LRRC59: variants seen among roughly 807,000 people sequenced by gnomAD.
LRRC59 encodes the protein leucine-rich repeat-containing protein 59.
LRRC59 carries 18 observed loss-of-function variants against 33.5 expected under a neutral mutation model. The ratio of observed to expected loss-of-function variants is 0.54; its 90% CI spans 0.37 to 0.80. The LOEUF is 0.80. Among genes scored for constraint, LRRC59 ranks in the 30% least tolerant of loss-of-function variants. LRRC59 has a pLI of 0.00. For missense variants in LRRC59, 330 were observed against 391.9 expected, an observed-to-expected ratio of 0.84 and a Z score of 1.33; for synonymous variants, 138 against 160.0, an observed-to-expected ratio of 0.86 and a Z score of 1.04.
At chr17:50,395,589 C>A (rs929761938) in intron 1 of LRRC59, among the ~76,000 whole-genome samples, 11 of 152,042 alleles carry the variant, frequency 7.2e-5, no homozygotes, top group Admixed American at 1.3e-4. Context: ...CATGACTGAT[C>A]GAGTAAGTAG....
intron 4 of LRRC59, among the ~76,000 whole-genome samples, chr17:50,389,540 A>G (rs892650943): frequency 6.6e-6 from 1 of 152,212 alleles, no homozygotes; most frequent in Non-Finnish European, 1.5e-5. Context: ...CTCTGGCATT[A>G]TATGTGCTCA....
chr17:50,387,943 C>G, intron 5 of LRRC59, 117 bp downstream of exon 5: 4 of 951,784 alleles, frequency 4.2e-6, no homozygotes, highest in Middle Eastern at 2.5e-4. Context: ...ACTGTCCCCC[C>G]ACCGCCCACT....
rs1305693487 is a variant in LRRC59 at position 50,381,804 on chromosome 17, A to G, written c.*1184T>C. ...CTTAATTTAGCAGACAAGAGAATGG[A>G]CAGTGTGATCCTTGTTTGTGCTAGC... On this transcript the variant is annotated 3_prime_UTR_variant, in exon 7 of 7. Transcript: ENST00000225972. 7 of 152,706 alleles carry G rather than the reference A, an allele frequency of 4.6e-5. 1 individual carries two copies. Among genetic ancestry groups the G allele is most frequent in the Middle Eastern group, 3.2e-3 (1 of 316 alleles). 9.5% of individuals were successfully genotyped at this position (152,706 alleles called of 1,614,324 possible). A position where few individuals can be genotyped will look rare whatever the true frequency, so the allele number is the denominator to read the frequency against.
At chr17:50,390,273 C>T (rs540508515) in intron 4 of LRRC59, among the ~76,000 whole-genome samples, 2 of 151,860 alleles carry the variant, frequency 1.3e-5, no homozygotes, top group East Asian at 3.9e-4. Context: ...GAGTGGATCA[C>T]CTGAGGTCAG....
Position 50,387,712 on chromosome 17 carries a change from T to G in LRRC59, c.502+348A>C, listed in dbSNP as rs991981510. On this transcript the variant is annotated intron_variant, in intron 5 of 6. Transcript: ENST00000225972. ...AGGAGTCATTAACATCTTTCCTATT[T>G]TAGGCTTGAATAACTATAGGGAAAG... Among the ~76,000 whole-genome samples, 15 of 152,248 alleles carry G rather than the reference T, an allele frequency of 9.9e-5. No individual in the cohort carries two copies. In the East Asian group the frequency reaches 2.9e-3, roughly 29 times the overall value.
intron 4 of LRRC59, 53 bp from the exon 5 acceptor site, chr17:50,388,185 G>T: frequency 6.5e-7 from 1 of 1,541,726 alleles, no homozygotes; most frequent in South Asian, 1.1e-5. Context: ...TTTGCTCAGG[G>T]AAGTCTCAAA....
intron 1 of LRRC59, among the ~76,000 whole-genome samples, chr17:50,395,377 G>C (rs111525876): frequency 6.7e-6 from 1 of 149,550 alleles, no homozygotes; most frequent in East Asian, 2.0e-4. Context: ...AAAAAGAAAG[G>C]AAGGCAGGCA....
rs1913880710 is a variant in LRRC59, at chr17:50,382,364, C to T, written c.*624G>A. 6.6e-6 allele frequency: 1 copy of T among 152,446 alleles called. No homozygotes were observed. Among genetic ancestry groups the T allele is most frequent in the Non-Finnish European group, 1.5e-5 (1 of 68,246 alleles). The allele number at this position is 152,446 out of a possible 1,614,324, so 9.4% of individuals were successfully genotyped here. A position where few individuals can be genotyped will look rare whatever the true frequency, so the allele number is the denominator to read the frequency against. Reference sequence around the variant, plus strand: ...GGAATCCAGTTTTGCCTCAAACTAGCTGGGAGACTAGGCAAGTCATGGAAG... The same window carrying T: ...GGAATCCAGTTTTGCCTCAAACTAGTTGGGAGACTAGGCAAGTCATGGAAG... On this transcript the variant is annotated 3_prime_UTR_variant, in exon 7 of 7. Coordinates refer to ENST00000225972, the MANE Select transcript of LRRC59 (RefSeq NM_018509.4).
chr17:50,391,988 C>T (rs923467017), intron 4 of LRRC59, among the ~76,000 whole-genome samples: 2 of 152,144 alleles, frequency 1.3e-5, no homozygotes, highest in Non-Finnish European at 2.9e-5. Context: ...CATTTGAGGT[C>T]GGGAGTTGGA....
chr17:50,389,793 C>A (rs1287159595), intron 4 of LRRC59, among the ~76,000 whole-genome samples: 2 of 152,126 alleles, frequency 1.3e-5, no homozygotes, highest in Non-Finnish European at 2.9e-5. Context: ...GCAAAAGGAT[C>A]TCCTTTCAAA....
intron 5 of LRRC59, among the ~76,000 whole-genome samples, chr17:50,385,901 G>A (rs72832489): frequency 0.021 from 3,137 of 152,052 alleles, 52 homozygotes; most frequent in Middle Eastern, 0.054. Flanking sequence ...ATAAAAAAAC[G>A]AAAAAATTAG....
At chr17:50,394,859 T>A in intron 2 of LRRC59, 70 bp downstream of exon 2, 6 of 749,752 alleles carry the variant, frequency 8.0e-6, no homozygotes, top group South Asian at 1.7e-5. Flanking sequence ...CACCCCCCTC[T>A]CAACCCCCGA....
chr17:50,388,532 C>G (rs1188180241), intron 4 of LRRC59, among the ~76,000 whole-genome samples: 2 of 151,654 alleles, frequency 1.3e-5, no homozygotes, highest in Non-Finnish European at 2.9e-5. Context: ...AGACTGAGAC[C>G]CTATCTCAAA....
At chr17:50,394,027 G>A (rs1173804844) in intron 2 of LRRC59, among the ~76,000 whole-genome samples, 1 of 152,178 alleles carries the variant, frequency 6.6e-6, no homozygotes, top group Non-Finnish European at 1.5e-5. Context: ...CTTTCTGGAA[G>A]AAGTGAGATC....
At position 50,383,212 on chromosome 17, in the gene LRRC59, G is replaced by A. The variant is rs915014193; in HGVS notation, c.700C>T (p.Arg234Cys). The change falls in exon 7 of 7, where the codon CGC (arginine) becomes TGC (cysteine). Residue 234 changes from arginine (R) to cysteine (C), a missense_variant. Transcript: ENST00000225972. ...APKSKSGSRP[R>C]KPPPRKHTRS... ...GTGTGCTTCCGGGGTGGTGGCTTGCGGGGACGGGAGCCAGACTTAGATTCT... is the reference window on the plus strand; with the variant it reads ...GTGTGCTTCCGGGGTGGTGGCTTGCAGGGACGGGAGCCAGACTTAGATTCT... The A allele has an allele frequency of 1.1e-5, 17 of 1,553,302 alleles. No individual in the cohort carries two copies. Among genetic ancestry groups the A allele is most frequent in the African/African-American group, 4.1e-5 (3 of 73,370 alleles).
chr17:50,391,535 A>G (rs549667650), intron 4 of LRRC59, among the ~76,000 whole-genome samples: 2 of 152,346 alleles, frequency 1.3e-5, no homozygotes, highest in African/African-American at 2.4e-5. Context: ...AAAAGTGACT[A>G]TAGTTGGAGT....
At chr17:50,392,931 G>C (rs775620046) in intron 2 of LRRC59, 34 bp from the exon 3 acceptor site, 1 of 1,595,582 alleles carries the variant, frequency 6.3e-7, no homozygotes, top group Non-Finnish European at 8.6e-7. Context: ...AGCTAGGCTT[G>C]TCCAACACAC....
rs1485412736 is a variant in LRRC59, at chr17:50,392,847, G to A, written c.216C>T (p.Asn72=). The A allele has an allele frequency of 1.9e-6, 3 of 1,613,928 alleles. No homozygotes were observed. Among genetic ancestry groups the A allele is most frequent in the Non-Finnish European group, 2.5e-6 (3 of 1,179,948 alleles). Reference sequence around the variant, plus strand: ...AGTCTGCTGGCAGCTGCTGCAGCTTGTTCTTACTCAGGTCTAGCTTCACCA... The same window carrying A: ...AGTCTGCTGGCAGCTGCTGCAGCTTATTCTTACTCAGGTCTAGCTTCACCA... ...THLVKLDLSK[N]KLQQLPADFG... The change falls in exon 3 of 7, where the codon AAC becomes AAT. Residue 72 remains asparagine, a synonymous_variant. Transcript: ENST00000225972.
chr17:50,383,334 C>T (rs1913916768), intron 6 of LRRC59, 99 bp from the exon 7 acceptor site: 1 of 1,412,460 alleles, frequency 7.1e-7, no homozygotes, highest in Non-Finnish European at 9.3e-7. Flanking sequence ...TACCTACATT[C>T]CTTCCTCAAG....
Sources: allele counts gnomAD v4.1 joint callset (sites outside exome capture counted in the v4.1 genomes callset), GRCh38; gene constraint gnomAD v4.1.1; transcripts MANE v1.5; gene names NCBI Gene and HGNC (gene_info 2026-07-23, HGNC 2026-07-21).